Variants in PCDHA4 observed in about 807,000 individuals in gnomAD.
PCDHA4 encodes protocadherin alpha-4.
Under a neutral mutation model 61.4 loss-of-function variants are expected in PCDHA4, and 49 were observed. The observed-to-expected ratio is 0.80, with a 90% confidence interval of 0.63 to 1.01. The LOEUF (loss-of-function observed/expected upper bound fraction) is 1.01. Among genes scored for constraint, PCDHA4 ranks in the 50% least tolerant of loss-of-function variants. The pLI, the probability that PCDHA4 is intolerant of heterozygous loss-of-function variation, is 0.00. For synonymous variants in PCDHA4, 590 were observed against 550.3 expected (o/e 1.07, Z -1.01); for missense variants, 1,254 against 1,235.8 (o/e 1.01, Z -0.22).
At chr5:140,920,516 A>G (rs2079670610) in intron 1 of PCDHA4, among the ~76,000 whole-genome samples, 1 of 152,156 alleles carries the variant, frequency 6.6e-6, no homozygotes, top group African/African-American at 2.4e-5. Flanking sequence ...GTTTTATGCA[A>G]TTCGTTAGAC....
intron 1 of PCDHA4, among the ~76,000 whole-genome samples, chr5:140,954,779 G>T (rs2095086497): frequency 6.6e-6 from 1 of 152,108 alleles, no homozygotes; most frequent in Non-Finnish European, 1.5e-5. Flanking sequence ...AATTTAATTA[G>T]ATCTCATTTG....
chr5:140,924,229 T>A (rs543275737), intron 1 of PCDHA4, among the ~76,000 whole-genome samples: 4 of 152,376 alleles, frequency 2.6e-5, no homozygotes, highest in African/African-American at 9.6e-5. Flanking sequence ...TCAATTTTTA[T>A]GGGCTGTTTT....
intron 1 of PCDHA4, among the ~76,000 whole-genome samples, chr5:140,901,039 A>G (rs1317910770): frequency 4.6e-5 from 7 of 152,086 alleles, no homozygotes; most frequent in Non-Finnish European, 8.8e-5. Flanking sequence ...TCTTTTGCCC[A>G]TTTTAAAATT....
intron 1 of PCDHA4, chr5:140,871,646 A>G: frequency 7.8e-7 from 1 of 1,275,646 alleles, no homozygotes; most frequent in Non-Finnish European, 1.1e-6. Flanking sequence ...TAAAATACCA[A>G]ATGATACACA....
chr5:140,917,948 A>G (rs1382859222), intron 1 of PCDHA4, among the ~76,000 whole-genome samples: 2 of 151,868 alleles, frequency 1.3e-5, no homozygotes, highest in Admixed American at 1.3e-4. Flanking sequence ...TGGTAGTTTG[A>G]TAGGAACATC....
chr5:140,886,217 T>C (rs548266069), intron 1 of PCDHA4, among the ~76,000 whole-genome samples: 3 of 152,240 alleles, frequency 2.0e-5, no homozygotes, highest in African/African-American at 7.2e-5. Flanking sequence ...TTTCTCTAAT[T>C]TTGTTACTTT....
At chr5:140,853,944 G>C (rs2042918286) in intron 1 of PCDHA4, 1 of 814,184 alleles carries the variant, frequency 1.2e-6, no homozygotes, top group Non-Finnish European at 1.5e-6. Context: ...CAAGGTGGGA[G>C]GGTCCCTTCC....
At chr5:140,870,810 T>C in intron 1 of PCDHA4, 2 of 1,613,710 alleles carry the variant, frequency 1.2e-6, no homozygotes, top group South Asian at 1.1e-5. Context: ...CGACTCAGGC[T>C]GGCAGCGCGG....
intron 1 of PCDHA4, among the ~76,000 whole-genome samples, chr5:140,946,752 A>G (rs1470208958): frequency 9.2e-5 from 14 of 151,470 alleles, no homozygotes; most frequent in African/African-American, 3.4e-4. Context: ...CAAATACTGC[A>G]TGATCTCATT....
rs1554124302 is a variant in PCDHA4, at chr5:140,807,835, T to C, written c.648T>C (p.Asp216=). 3 of 1,614,194 alleles carry C rather than the reference T, an allele frequency of 1.9e-6. No homozygotes were observed. Among genetic ancestry groups the C allele is most frequent in the South Asian group, 2.2e-5 (2 of 91,084 alleles). The change falls in exon 1 of 4, where the codon GAT becomes GAC. Residue 216 remains aspartate, a synonymous_variant. Transcript: ENST00000530339. ...TTTTTTTAGTGCTCACAGCCACTGA[T>C]GGAGGCAAACCCGAGTTGACTGGCA... is the stretch of plus-strand genomic sequence containing the variant. ...PEIFLVLTAT[D]GGKPELTGTV...
At chr5:140,938,468 A>T (rs1427570517) in intron 1 of PCDHA4, among the ~76,000 whole-genome samples, 1 of 152,096 alleles carries the variant, frequency 6.6e-6, no homozygotes, top group Non-Finnish European at 1.5e-5. Flanking sequence ...TTAATTTATT[A>T]TGTTTTTTAA....
intron 1 of PCDHA4, among the ~76,000 whole-genome samples, chr5:140,939,802 A>C (rs1347672258): frequency 6.6e-6 from 1 of 152,220 alleles, no homozygotes; most frequent in Admixed American, 6.5e-5. Context: ...AATGTTCTGC[A>C]TGTTCAAGAA....
At chr5:140,924,732 T>TA (rs1333846222) in intron 1 of PCDHA4, among the ~76,000 whole-genome samples, 2 of 151,706 alleles carry the variant, frequency 1.3e-5, no homozygotes, top group African/African-American at 4.8e-5. Flanking sequence ...TCACCTCTAA[T>TA]AAAAATACAA....
At chr5:140,940,498 C>T (rs185491489) in intron 1 of PCDHA4, among the ~76,000 whole-genome samples, 7 of 151,984 alleles carry the variant, frequency 4.6e-5, no homozygotes, top group Non-Finnish European at 8.8e-5. Flanking sequence ...AGTCTTGCTC[C>T]GTCGCTCAGG....
chr5:140,845,775 A>G (rs1469360011), intron 1 of PCDHA4, among the ~76,000 whole-genome samples: 1 of 149,718 alleles, frequency 6.7e-6, no homozygotes, highest in Non-Finnish European at 1.5e-5. Context: ...ATAGTTATAA[A>G]TTATTAATAA....
Position 140,888,304 on chromosome 5 carries a change from T to C in PCDHA4, c.2385+78732T>C, listed in dbSNP as rs560267265. Among the ~76,000 whole-genome samples the C allele has an allele frequency of 9.2e-5, 14 of 152,272 alleles. No homozygotes were observed. The South Asian group carries it at 2.7e-3, about 29-fold the overall frequency. On this transcript the variant is annotated intron_variant, in intron 1 of 3. Transcript: ENST00000530339. The stretch of plus-strand genomic sequence containing the variant: ...CCTCTACCCCCTACCCAGGAGATAA[T>C]TTGGCAATGCCTGGATACATTTTTG...
rs782153529 is a variant in PCDHA4, at chr5:140,871,456, G to T, written c.2385+61884G>T. 3.1e-6 allele frequency: 5 copies of T among 1,607,166 alleles called. No homozygotes were observed. The South Asian group carries it at 4.4e-5, about 14-fold the overall frequency. On this transcript the variant is annotated intron_variant, in intron 1 of 3. Coordinates refer to ENST00000530339, the MANE Select transcript of PCDHA4 (RefSeq NM_018907.4). ...TCTAGGTCTGAATAAAGAGGAGGAA[G>T]GGGAAAGACAGGAGCCAGGGTCAAA...
At chr5:140,823,536 C>A (rs2150126761) in intron 1 of PCDHA4, 1 of 1,613,790 alleles carries the variant, frequency 6.2e-7, no homozygotes, top group South Asian at 1.1e-5. Flanking sequence ...TGGGTGCGGG[C>A]CACGTGGTGG....
At chr5:140,939,841 T>C (rs1269688667) in intron 1 of PCDHA4, among the ~76,000 whole-genome samples, 5 of 152,344 alleles carry the variant, frequency 3.3e-5, no homozygotes, top group Middle Eastern at 3.4e-3. Context: ...TGCTTGTTGT[T>C]GTGTTCTGTA....
Sources: allele counts gnomAD v4.1 joint callset (sites outside exome capture counted in the v4.1 genomes callset), GRCh38; gene constraint gnomAD v4.1.1; transcripts MANE v1.5; gene names NCBI Gene and HGNC (gene_info 2026-07-23, HGNC 2026-07-21).